Variants in HOXA9 observed in about 807,000 individuals in gnomAD.
The protein encoded by HOXA9 is homeobox A9, also known as homeobox protein Hox-A9.
A neutral mutation model predicts 19.0 loss-of-function variants in HOXA9; 18 were observed. The observed-to-expected ratio is 0.95, with a 90% CI of 0.65 to 1.40. The LOEUF (loss-of-function observed/expected upper bound fraction) is 1.40. HOXA9 is among the 40% of genes most tolerant of loss of function. HOXA9 has a pLI of 0.00. For missense variants in HOXA9, 443 were observed against 372.2 expected (o/e 1.19, Z -1.57); for synonymous variants, 198 against 161.1 (o/e 1.23, Z -1.73).
rs1412905220 is a variant in HOXA9 at position 27,164,982 on chromosome 7, C to T, written c.476G>A (p.Cys159Tyr). Residue 159 changes from cysteine to tyrosine, a missense_variant, in exon 1 of 2, where the codon TGT becomes TAT. Physicochemically the swap from Cys to Tyr is radical, Grantham distance 194. Transcript: ENST00000343483. ...TTCTCTATCAACTGGAGGAGAACCA[C>T]AAGCATAGTCAGTCAGGGACAAAGT... ...THTLSLTDYA[C>Y]GSPPVDREKQ... 7 of 1,614,130 alleles carry T rather than the reference C, an allele frequency of 4.3e-6. No homozygotes were observed. In the African/African-American group the frequency reaches 9.3e-5, roughly 22 times the overall value.
chr7:27,163,761 G>A lies in HOXA9; in HGVS notation c.661C>T (p.Leu221=). 1.2e-6 allele frequency: 2 copies of A among 1,614,032 alleles called. No individual in the cohort carries two copies. Among genetic ancestry groups the A allele is most frequent in the African/African-American group, 1.3e-5 (1 of 74,984 alleles). The change falls in exon 2 of 2, where the codon CTG becomes TTG. Residue 221 remains leucine (L), a synonymous_variant. Coordinates refer to ENST00000343483, the MANE Select transcript of HOXA9 (RefSeq NM_152739.4). ...ATGTTGAACAGAAACTCTTTCTCCA[G>A]TTCCAGGGTCTGGTGTTTTGTATAG... The part of the protein sequence containing the change: ...CPYTKHQTLE[L]EKEFLFNMYL...
chr7:27,163,838 T>C lies in HOXA9; in HGVS notation c.584A>G (p.Asn195Ser), dbSNP rs756823593. Residue 195 changes from asparagine (N) to serine (S), a missense_variant, in exon 2 of 2, where the codon AAC becomes AGC. Physicochemically the swap from Asn to Ser is conservative, Grantham distance 46. Transcript: ENST00000343483. ...CGCATGAAGCCAGTTGGCTGCTGGG[T>C]TATCTGCGGGGAAGAGAAACACTGG... is the stretch of plus-strand genomic sequence containing the variant. ...GGDKPPIDPN[N>S]PAANWLHARS... 3.1e-6 allele frequency: 5 copies of C among 1,613,418 alleles called. No individual in the cohort carries two copies. The South Asian group carries it at 4.4e-5, about 14-fold the overall frequency.
At chr7:27,163,893 G>C (rs752443691) in intron 1 of HOXA9, 52 bp from the exon 2 acceptor site, 5 of 1,474,362 alleles carry the variant, frequency 3.4e-6, no homozygotes, top group Non-Finnish European at 4.7e-6. Flanking sequence ...ACATCCCGCT[G>C]GGGCAAATGA....
chr7:27,163,913 ATGGG>A, intron 1 of HOXA9, 72 bp from the exon 2 acceptor site: 1 of 1,286,850 alleles, frequency 7.8e-7, no homozygotes, highest in Admixed American at 1.7e-5. Context: ...AGCCTCCTGC[ATGGG>A]GTCTCTGGCC....
At position 27,163,713 on chromosome 7, in the gene HOXA9, AC is replaced by A; in HGVS notation, c.708del (p.Arg236SerfsTer24). The A allele has an allele frequency of 6.2e-7, 1 of 1,613,806 alleles. No homozygotes were observed. Among genetic ancestry groups the A allele is most frequent in the Non-Finnish European group, 8.5e-7 (1 of 1,179,952 alleles). On this transcript the variant is annotated frameshift_variant, in exon 2 of 2. Coordinates refer to ENST00000343483, the MANE Select transcript of HOXA9 (RefSeq NM_152739.4). LOFTEE classifies it high-confidence loss of function. Reference sequence around the variant, plus strand: ...AGGTTGAGCAGTCGAGCCACCTCGTACCTGCGGTCCCTGGTGAGGTACATGT... The same window carrying A: ...AGGTTGAGCAGTCGAGCCACCTCGTACTGCGGTCCCTGGTGAGGTACATGT... ...LFNMYLTRDR[R>X]YEVARLLNLT...
At position 27,165,211 on chromosome 7, in the gene HOXA9, A is replaced by G; in HGVS notation, c.247T>C (p.Tyr83His). Residue 83 changes from tyrosine to histidine, a missense_variant, in exon 1 of 2, where the codon TAC becomes CAC. By Grantham distance (83) the Tyr-to-His change is moderately conservative. Transcript: ENST00000343483. Reference protein sequence around the residue: ...AGANAVPAAVYHHHHHHPYVH... With the variant: ...AGANAVPAAVHHHHHHHPYVH... The stretch of plus-strand genomic sequence containing the variant: ...TAGGGGTGGTGGTGATGGTGGTGGT[A>G]CACCGCAGCGGGTACAGCGTTGGCG... 1 of 1,585,540 alleles carries G rather than the reference A, an allele frequency of 6.3e-7. No homozygotes were observed. Among genetic ancestry groups the G allele is most frequent in the Non-Finnish European group, 8.6e-7 (1 of 1,167,290 alleles).
At position 27,165,223 on chromosome 7, in the gene HOXA9, GTAC is replaced by G; in HGVS notation, c.232_234del (p.Val78del). On this transcript the variant is annotated inframe_deletion, in exon 1 of 2. Transcript: ENST00000343483. Reference sequence around the variant, plus strand: ...TGATGGTGGTGGTACACCGCAGCGGGTACAGCGTTGGCGCCCGCCGCGTGCACT... The same window carrying G: ...TGATGGTGGTGGTACACCGCAGCGGGAGCGTTGGCGCCCGCCGCGTGCACT... 1 of 1,576,408 alleles carries G rather than the reference GTAC, an allele frequency of 6.3e-7. No homozygotes were observed. The highest frequency in any genetic ancestry group is 8.6e-7 in the Non-Finnish European group (1 of 1,162,878).
At chr7:27,164,813 C>A (rs1158258810) in intron 1 of HOXA9, 65 bp downstream of exon 1, 29 of 1,564,296 alleles carry the variant, frequency 1.9e-5, no homozygotes, top group Admixed American at 3.6e-5. Context: ...AGAAACCTGG[C>A]GGGCCAGCAG....
At position 27,165,362 on chromosome 7, in the gene HOXA9, C is replaced by T. The variant is rs1193639477; in HGVS notation, c.96G>A (p.Pro32=). 1.3e-6 allele frequency: 2 copies of T among 1,598,430 alleles called. No homozygotes were observed. Among genetic ancestry groups the T allele is most frequent in the Admixed American group, 1.7e-5 (1 of 58,604 alleles). ...ADELSVGRYA[P]GTLGQPPRQA... ...GCCGGGGAGGCTGGCCCAGGGTCCCCGGCGCATAGCGGCCAACGCTCAGCT... is the reference window on the plus strand; with the variant it reads ...GCCGGGGAGGCTGGCCCAGGGTCCCTGGCGCATAGCGGCCAACGCTCAGCT... The change falls in exon 1 of 2, where the codon CCG becomes CCA. Residue 32 remains proline (P), a synonymous_variant. Coordinates refer to ENST00000343483, the MANE Select transcript of HOXA9 (RefSeq NM_152739.4).
In HOXA9 at chr7:27,165,190, G is replaced by T. The variant is rs1040126912; in HGVS notation, c.268C>A (p.Pro90Thr). The T allele has an allele frequency of 1.9e-6, 3 of 1,593,370 alleles. No homozygotes were observed. In the South Asian group the frequency reaches 3.4e-5, roughly 18 times the overall value. Residue 90 changes from proline to threonine, a missense_variant, in exon 1 of 2, where the codon CCC becomes ACC. Pro to Thr is a conservative substitution (Grantham distance 38). Coordinates refer to ENST00000343483, the MANE Select transcript of HOXA9 (RefSeq NM_152739.4). ...ACGGGCGCCTGGGGGTGCACGTAGG[G>T]GTGGTGGTGATGGTGGTGGTACACC... Reference protein sequence around the residue: ...AAVYHHHHHHPYVHPQAPVAA... With the variant: ...AAVYHHHHHHTYVHPQAPVAA...
In HOXA9 at chr7:27,164,878, T is replaced by C. The variant is rs916400512; in HGVS notation, c.580A>G (p.Asn194Asp). 4.3e-6 allele frequency: 7 copies of C among 1,613,348 alleles called. No individual in the cohort carries two copies. The East Asian group carries it at 1.3e-4, about 31-fold the overall frequency. Residue 194 changes from asparagine (N) to aspartate (D), a missense_variant and splice_region_variant, in exon 1 of 2, where the codon AAT (asparagine) becomes GAT (aspartate). Coordinates refer to ENST00000343483, the MANE Select transcript of HOXA9 (RefSeq NM_152739.4). ...GGATTTGAAGGGAGGAGACACTTACTGGGATCGATGGGGGGCTTGTCTCCG... is the reference window on the plus strand; with the variant it reads ...GGATTTGAAGGGAGGAGACACTTACCGGGATCGATGGGGGGCTTGTCTCCG... Reference protein sequence around the residue: ...SGGDKPPIDPNNPAANWLHAR... With the variant: ...SGGDKPPIDPDNPAANWLHAR...
At position 27,163,773 on chromosome 7, in the gene HOXA9, G is replaced by T; in HGVS notation, c.649C>A (p.Gln217Lys). 1 of 1,614,056 alleles carries T rather than the reference G, an allele frequency of 6.2e-7. No individual in the cohort carries two copies. Among genetic ancestry groups the T allele is most frequent in the Non-Finnish European group, 8.5e-7 (1 of 1,180,010 alleles). Residue 217 changes from glutamine to lysine, a missense_variant, in exon 2 of 2, where the codon CAG (glutamine) becomes AAG (lysine). Gln to Lys is a moderately conservative substitution (Grantham distance 53). Coordinates refer to ENST00000343483, the MANE Select transcript of HOXA9 (RefSeq NM_152739.4). The part of the protein sequence containing the change: ...RKKRCPYTKH[Q>K]TLELEKEFLF... ...AACTCTTTCTCCAGTTCCAGGGTCT[G>T]GTGTTTTGTATAGGGGCACCGCTTT...
At position 27,163,816 on chromosome 7, in the gene HOXA9, A is replaced by C. The variant is rs752442358; in HGVS notation, c.606T>G (p.His202Gln). The change falls in exon 2 of 2, where the codon CAT becomes CAG. Residue 202 changes from histidine (H) to glutamine (Q), a missense_variant. Physicochemically the swap from His to Gln is conservative, Grantham distance 24. Transcript: ENST00000343483. ...DPNNPAANWL[H>Q]ARSTRKKRCP... ...ACCGCTTTTTCCGAGTGGAGCGCGC[A>C]TGAAGCCAGTTGGCTGCTGGGTTAT... 8.7e-6 allele frequency: 14 copies of C among 1,613,884 alleles called. No homozygotes were observed. Among genetic ancestry groups the C allele is most frequent in the Non-Finnish European group, 1.2e-5 (14 of 1,180,002 alleles).
Position 27,163,774 on chromosome 7 carries a change from G to A in HOXA9, c.648C>T (p.His216=), listed in dbSNP as rs773375500. Residue 216 remains histidine, a synonymous_variant, in exon 2 of 2, where the codon CAC becomes CAT. Transcript: ENST00000343483. ...ACTCTTTCTCCAGTTCCAGGGTCTGGTGTTTTGTATAGGGGCACCGCTTTT... is the reference window on the plus strand; with the variant it reads ...ACTCTTTCTCCAGTTCCAGGGTCTGATGTTTTGTATAGGGGCACCGCTTTT... ...TRKKRCPYTK[H]QTLELEKEFL... 9 of 1,614,080 alleles carry A rather than the reference G, an allele frequency of 5.6e-6. No homozygotes were observed. In the Admixed American group the frequency reaches 1.2e-4, roughly 21 times the overall value.
chr7:27,164,767 C>T (rs1783281206), intron 1 of HOXA9, 111 bp downstream of exon 1: 2 of 1,496,166 alleles, frequency 1.3e-6, no homozygotes, highest in African/African-American at 2.8e-5. Context: ...GGCCCCAACT[C>T]GAGAGGCTTC....
rs542147750 is a variant in HOXA9, at chr7:27,163,510, G to T, written c.*93C>A. 7 of 988,620 alleles carry T rather than the reference G, an allele frequency of 7.1e-6. No homozygotes were observed. In the East Asian group the frequency reaches 9.5e-5, roughly 13 times the overall value. 61.2% of individuals were successfully genotyped at this position (988,620 alleles called of 1,614,324 possible). On this transcript the variant is annotated 3_prime_UTR_variant, in exon 2 of 2. Transcript: ENST00000343483. ...GTGCGGGGATGGTGGAGGCTAGGGT[G>T]GGGGTGAGAGAAGGGAGAAGGCGGA...
chr7:27,163,949 C>T (rs1783259495), intron 1 of HOXA9, 108 bp from the exon 2 acceptor site: 4 of 903,404 alleles, frequency 4.4e-6, no homozygotes, highest in Admixed American at 1.9e-5. Flanking sequence ...CTCTGCTGAA[C>T]TGGTTAGGAA....
At position 27,164,920 on chromosome 7, in the gene HOXA9, CATTGTTTTCAGA is replaced by C. The variant is rs1783285896; in HGVS notation, c.526_537del (p.Ser176_Asn179del). The C allele has an allele frequency of 6.2e-7, 1 of 1,614,110 alleles. No homozygotes were observed. The highest frequency in any genetic ancestry group is 1.3e-5 in the African/African-American group (1 of 74,948). On this transcript the variant is annotated inframe_deletion, in exon 1 of 2. Transcript: ENST00000343483. ...TTGTCTCCGCCGCTCTCATTCTCAGCATTGTTTTCAGAGAAGGCGCCTTCGCTGGGTTGTTTT... is the reference window on the plus strand; with the variant it reads ...TTGTCTCCGCCGCTCTCATTCTCAGCGAAGGCGCCTTCGCTGGGTTGTTTT...
intron 1 of HOXA9, among the ~76,000 whole-genome samples, chr7:27,164,485 G>A (rs1381151259): frequency 6.6e-6 from 1 of 152,252 alleles, no homozygotes; most frequent in East Asian, 1.9e-4. Context: ...CCCAGCTCCG[G>A]CTGCCCTGGC....
Sources: gnomAD v4.1 joint callset for allele counts (sites outside exome capture counted in the v4.1 genomes callset) on GRCh38, gnomAD v4.1.1 for gene constraint, MANE v1.5 for transcripts, NCBI Gene and HGNC (gene_info 2026-07-23, HGNC 2026-07-21) for gene names.